The following TENM1 variants were observed in gnomAD, a reference collection of about 807,000 sequenced individuals.
TENM1 encodes the protein teneurin transmembrane protein 1.
A neutral mutation model predicts 174.8 loss-of-function variants in TENM1; 35 were observed. The ratio of observed to expected loss-of-function variants is 0.20; its 90% CI spans 0.15 to 0.27. The LOEUF (loss-of-function observed/expected upper bound fraction) is 0.27, where lower values mean the gene tolerates loss of function less well. TENM1 is among the 10% of genes least tolerant of loss of function. The probability of loss-of-function intolerance (pLI) is 1.00; values close to 1 mark genes in which losing one functional copy is unlikely to be tolerated. For synonymous variants in TENM1, 781 were observed against 798.7 expected, an observed-to-expected ratio of 0.98 and a Z score of 0.37; for missense variants, 1,633 against 2,130.1, an observed-to-expected ratio of 0.77 and a Z score of 4.59.
intron 11 of TENM1, among the ~76,000 whole-genome samples, chrX:124,631,888 C>CAAAAAA (rs1207149583): frequency 3.4e-5 from 1 of 29,692 alleles, no homozygotes; most frequent in Non-Finnish European, 6.3e-5. Flanking sequence ...GACTCTGTCT[C>CAAAAAA]AAAAAAAAAA....
In TENM1 at chrX:124,399,373, C is replaced by T. The variant is rs183792331; in HGVS notation, c.5391+5658G>A. 1.2e-3 allele frequency among the ~76,000 whole-genome samples: 137 copies of T among 112,093 alleles called. 2 individuals are homozygous for T. Among genetic ancestry groups the T allele is most frequent in the Admixed American group, 2.4e-3 (25 of 10,606 alleles). On this transcript the variant is annotated intron_variant, in intron 27 of 31. Transcript: ENST00000422452. ...ATACTACCACTAATAATATATTGCA[C>T]CATCCATGTCCCTCTTTTTATAGAT... is the stretch of plus-strand genomic sequence containing the variant.
At chrX:125,191,255 T>C in the TENM1 span, among the ~76,000 whole-genome samples, 2 of 112,145 alleles carry the variant, frequency 1.8e-5, no homozygotes, top group African/African-American at 3.2e-5. Flanking sequence ...TAATATTTCA[T>C]CATGTCCTTA....
At chrX:125,191,782 T>C in the TENM1 span, among the ~76,000 whole-genome samples, 1 of 112,060 alleles carries the variant, frequency 8.9e-6, no homozygotes, top group Non-Finnish European at 1.9e-5. Context: ...ACTTCTATTA[T>C]TTGATTGTTT....
At chrX:124,913,735 T>C (rs1262208947) in intron 1 of TENM1, among the ~76,000 whole-genome samples, 1 of 111,997 alleles carries the variant, frequency 8.9e-6, no homozygotes, top group African/African-American at 3.2e-5. Flanking sequence ...CTTACTATAC[T>C]ATAAAGTATG....
At chrX:125,081,256 T>C in the TENM1 span, among the ~76,000 whole-genome samples, 2 of 111,502 alleles carry the variant, frequency 1.8e-5, no homozygotes, top group Non-Finnish European at 3.8e-5. Flanking sequence ...ATTCATTTGC[T>C]AGATTGTCGT....
chrX:125,176,428 A>T, the TENM1 span, among the ~76,000 whole-genome samples: 1 of 111,514 alleles, frequency 9.0e-6, no homozygotes, highest in South Asian at 3.7e-4. Flanking sequence ...GATTAAGCGA[A>T]GATTTCCTTT....
chrX:125,191,877 A>G, the TENM1 span, among the ~76,000 whole-genome samples: 1 of 111,613 alleles, frequency 9.0e-6, no homozygotes, highest in Non-Finnish European at 1.9e-5. Context: ...TGATGAAGAC[A>G]TGAATGGATT....
chrX:125,126,542 G>A, the TENM1 span, among the ~76,000 whole-genome samples: 1 of 111,134 alleles, frequency 9.0e-6, no homozygotes, highest in African/African-American at 3.3e-5. Flanking sequence ...AGTACCAAGG[G>A]GGGAACATTA....
the TENM1 span, among the ~76,000 whole-genome samples, chrX:125,148,115 C>T: frequency 1.8e-3 from 199 of 111,235 alleles, no homozygotes; most frequent in African/African-American, 6.1e-3. Flanking sequence ...CCCCAGTCTG[C>T]GCTACTAGCC....
intron 3 of TENM1, among the ~76,000 whole-genome samples, chrX:124,839,515 T>C (rs1285575003): frequency 9.0e-6 from 1 of 111,518 alleles, no homozygotes; most frequent in East Asian, 2.8e-4. Context: ...ACAGAAAAAG[T>C]GTATGTGTGC....
intron 3 of TENM1, among the ~76,000 whole-genome samples, chrX:124,776,528 A>G (rs765470812): frequency 2.7e-5 from 3 of 112,282 alleles, no homozygotes; most frequent in Non-Finnish European, 3.8e-5. Context: ...AATGAAAACA[A>G]TGAAAGGTAT....
chrX:124,732,692 T>A (rs7876938), intron 4 of TENM1, among the ~76,000 whole-genome samples: 1,237 of 111,058 alleles, frequency 0.011, 19 homozygotes, highest in African/African-American at 0.038. Flanking sequence ...AGGTGAGAGG[T>A]GTGAGGAGGT....
intron 11 of TENM1, among the ~76,000 whole-genome samples, chrX:124,590,711 G>A (rs1433651142): frequency 8.9e-6 from 1 of 112,011 alleles, no homozygotes; most frequent in African/African-American, 3.2e-5. Flanking sequence ...TGAATTTTGT[G>A]TTTTTGATGG....
At chrX:124,619,433 T>C (rs1188063145) in intron 11 of TENM1, among the ~76,000 whole-genome samples, 2 of 112,285 alleles carry the variant, frequency 1.8e-5, no homozygotes, top group Admixed American at 9.4e-5. Context: ...TAGACTGTTA[T>C]GTAACATACC....
At chrX:125,082,755 C>G in the TENM1 span, among the ~76,000 whole-genome samples, 1 of 110,984 alleles carries the variant, frequency 9.0e-6, no homozygotes, top group East Asian at 2.9e-4. Flanking sequence ...TTATCCCAAC[C>G]TAACACAATA....
At chrX:125,162,640 C>G in the TENM1 span, among the ~76,000 whole-genome samples, 1 of 111,880 alleles carries the variant, frequency 8.9e-6, no homozygotes, top group African/African-American at 3.2e-5. Flanking sequence ...CCTCCACCAG[C>G]ACCTCAAGTC....
intron 3 of TENM1, among the ~76,000 whole-genome samples, chrX:124,769,740 G>A (rs2054613066): frequency 8.9e-6 from 1 of 111,837 alleles, no homozygotes; most frequent in South Asian, 3.7e-4. Context: ...TTTTTAAAAA[G>A]GTAATTTATA....
chrX:124,874,489 T>C (rs1021015374), intron 3 of TENM1, among the ~76,000 whole-genome samples: 3 of 110,245 alleles, frequency 2.7e-5, no homozygotes, highest in African/African-American at 9.8e-5. Flanking sequence ...TAGGAGGAAA[T>C]TGACTGTCTC....
At chrX:124,947,380 A>G (rs1486893984) in intron 1 of TENM1, among the ~76,000 whole-genome samples, 1 of 112,050 alleles carries the variant, frequency 8.9e-6, no homozygotes, top group African/African-American at 3.2e-5. Context: ...ACATTACAGT[A>G]TATTGATTAA....
Sources: gnomAD v4.1 joint callset for allele counts (sites outside exome capture counted in the v4.1 genomes callset) on GRCh38, gnomAD v4.1.1 for gene constraint, MANE v1.5 for transcripts, NCBI Gene and HGNC (gene_info 2026-07-23, HGNC 2026-07-21) for gene names.